Variants in KIF1B observed in about 807,000 individuals in gnomAD.
KIF1B encodes the protein kinesin-like protein KIF1B.
Under a neutral mutation model 241.9 loss-of-function variants are expected in KIF1B, and 76 were observed. The ratio of observed to expected loss-of-function variants is 0.31; its 90% confidence interval spans 0.26 to 0.38. The LOEUF (loss-of-function observed/expected upper bound fraction) is 0.38, where lower values mean the gene tolerates loss of function less well. KIF1B is among the 10% of genes least tolerant of loss of function. The probability of loss-of-function intolerance (pLI) is 1.00; values close to 1 mark genes in which losing one functional copy is unlikely to be tolerated. For missense variants in KIF1B, 1,622 were observed against 2,271.4 expected, an observed-to-expected ratio of 0.71 and a Z score of 5.81; for synonymous variants, 750 against 796.7, an observed-to-expected ratio of 0.94 and a Z score of 0.99.
chr1:10,366,089 GGCGT>G (rs1638563333), intron 43 of KIF1B, among the ~76,000 whole-genome samples: 1 of 152,006 alleles, frequency 6.6e-6, no homozygotes, highest in South Asian at 2.1e-4. Flanking sequence ...AAATTAGCCA[GGCGT>G]GGTGGCGAGC....
At chr1:10,327,958 A>AGT (rs1421461249) in intron 27 of KIF1B, among the ~76,000 whole-genome samples, 5 of 152,122 alleles carry the variant, frequency 3.3e-5, no homozygotes, top group African/African-American at 1.2e-4. Context: ...TAATCTCAGC[A>AGT]ACTCTGGAGG....
intron 1 of KIF1B, among the ~76,000 whole-genome samples, chr1:10,218,274 T>C (rs1218493602): frequency 6.6e-6 from 1 of 152,158 alleles, no homozygotes; most frequent in Admixed American, 6.5e-5. Context: ...CTTCACACTT[T>C]TGCAGTACTA....
chr1:10,371,798 T>C (rs1638740021), intron 45 of KIF1B, among the ~76,000 whole-genome samples: 1 of 152,096 alleles, frequency 6.6e-6, no homozygotes, highest in Non-Finnish European at 1.5e-5. Context: ...CCAGGCGTGG[T>C]GGTCTGTGCC....
chr1:10,346,663 C>T (rs2102327670), intron 35 of KIF1B, among the ~76,000 whole-genome samples: 1 of 152,368 alleles, frequency 6.6e-6, no homozygotes, highest in South Asian at 2.1e-4. Flanking sequence ...CTGTGCCCAG[C>T]AGCACCTTGT....
chr1:10,241,855 C>T (rs1647140901), intron 2 of KIF1B, among the ~76,000 whole-genome samples: 1 of 151,922 alleles, frequency 6.6e-6, no homozygotes. Context: ...TTGGTAGTTG[C>T]CTAGTGAAGT....
At chr1:10,267,984 CAAAT>C (rs1267132746) in intron 6 of KIF1B, among the ~76,000 whole-genome samples, 164 bp from the exon 7 acceptor site, 1 of 152,104 alleles carries the variant, frequency 6.6e-6, no homozygotes, top group Non-Finnish European at 1.5e-5. Flanking sequence ...GATGGGCTCA[CAAAT>C]AAGGCAGTAT....
chr1:10,364,114 T>C (rs577331661), intron 41 of KIF1B, among the ~76,000 whole-genome samples: 1 of 152,196 alleles, frequency 6.6e-6, no homozygotes, highest in Non-Finnish European at 1.5e-5. Context: ...CTCTGTCATC[T>C]GTCAGCCAGT....
intron 2 of KIF1B, among the ~76,000 whole-genome samples, chr1:10,251,059 G>A (rs577264798): frequency 3.8e-4 from 58 of 152,166 alleles, no homozygotes; most frequent in African/African-American, 1.3e-3. Context: ...CTAGCTACTG[G>A]GGAGGCTGAG....
At position 10,314,837 on chromosome 1, in the gene KIF1B, T is replaced by G. The variant is rs142849098; in HGVS notation, c.2116-5206T>G. 5.5e-3 allele frequency among the ~76,000 whole-genome samples: 837 copies of G among 151,804 alleles called. 43 individuals carry two copies. The highest frequency in any genetic ancestry group is 0.019 in the African/African-American group (794 of 41,040). ...TCCTCATACCTTAACTGTCAGAGTCTGAGAATTTTGTATTCATTGGTAGTT... is the reference window on the plus strand; with the variant it reads ...TCCTCATACCTTAACTGTCAGAGTCGGAGAATTTTGTATTCATTGGTAGTT... On this transcript the variant is annotated intron_variant, in intron 22 of 48. Transcript: ENST00000676179.
At position 10,357,771 on chromosome 1, in the gene KIF1B, G is replaced by A. The variant is rs1348358455; in HGVS notation, c.4056-3158G>A. ...CACCTGTAATCCCAGCACTTTGGGA[G>A]GCCGAGGCGGGTGGATCACCTGAGG... On this transcript the variant is annotated intron_variant, in intron 38 of 48. Coordinates refer to ENST00000676179, the MANE Select transcript of KIF1B (RefSeq NM_001365951.3). 2.0e-5 allele frequency among the ~76,000 whole-genome samples: 3 copies of A among 152,078 alleles called. No homozygotes were observed. The East Asian group carries it at 5.8e-4, about 29-fold the overall frequency.
rs557624589 is a variant in KIF1B, at chr1:10,378,600, G to A, written c.*2013G>A. 130 of 596,244 alleles carry A rather than the reference G, an allele frequency of 2.2e-4. 1 individual carries two copies. The East Asian group carries it at 2.9e-3, about 13-fold the overall frequency. 36.9% of individuals were successfully genotyped at this position (596,244 alleles called of 1,614,324 possible). On this transcript the variant is annotated 3_prime_UTR_variant, in exon 49 of 49. Transcript: ENST00000676179. ...GCCTTGAGGTTGCTGACTCTCAGGC[G>A]TTAGGCAGCTGGATGACTTCCCGCT...
chr1:10,343,523 C>T (rs1190279800), intron 34 of KIF1B, among the ~76,000 whole-genome samples: 3 of 151,818 alleles, frequency 2.0e-5, no homozygotes, highest in African/African-American at 4.8e-5. Context: ...TTTGGGAGGC[C>T]GAGGCAGGTG....
chr1:10,291,443 G>T (rs1176993257), intron 16 of KIF1B, among the ~76,000 whole-genome samples: 1 of 152,108 alleles, frequency 6.6e-6, no homozygotes. Context: ...AGGCGCGGTG[G>T]CTCACGCCTG....
At chr1:10,263,481 CT>C (rs1569620378) in intron 5 of KIF1B, among the ~76,000 whole-genome samples, 1 of 150,802 alleles carries the variant, frequency 6.6e-6, no homozygotes, top group Non-Finnish European at 1.5e-5. Context: ...TTTTTCTTTT[CT>C]TTTTGGTATT....
chr1:10,223,629 C>A (rs1456277594), intron 1 of KIF1B, among the ~76,000 whole-genome samples: 1 of 150,944 alleles, frequency 6.6e-6, no homozygotes, highest in Non-Finnish European at 1.5e-5. Flanking sequence ...TCACTGCAAC[C>A]TCTGCCTCCC....
intron 34 of KIF1B, among the ~76,000 whole-genome samples, 194 bp downstream of exon 34, chr1:10,343,481 G>A (rs111862387): frequency 1.7e-4 from 26 of 152,284 alleles, no homozygotes; most frequent in African/African-American, 6.3e-4. Context: ...GTAAAGGCTG[G>A]GCGCGGTGGC....
At chr1:10,338,788 G>A (rs949335202) in intron 31 of KIF1B, among the ~76,000 whole-genome samples, 3 of 152,238 alleles carry the variant, frequency 2.0e-5, no homozygotes, top group African/African-American at 7.2e-5. Flanking sequence ...AGAGCACTGT[G>A]AATGAGTTCA....
At chr1:10,280,189 T>A (rs1649335210) in intron 14 of KIF1B, among the ~76,000 whole-genome samples, 1 of 152,124 alleles carries the variant, frequency 6.6e-6, no homozygotes, top group Non-Finnish European at 1.5e-5. Context: ...ATGTCTTGAT[T>A]TTGGGGCTAA....
At chr1:10,347,394 A>G (rs1443865074) in intron 35 of KIF1B, among the ~76,000 whole-genome samples, 2 of 152,222 alleles carry the variant, frequency 1.3e-5, no homozygotes, top group African/African-American at 2.4e-5. Context: ...AGGGAGAGGT[A>G]GTTACAGTAA....
Sources: allele counts gnomAD v4.1 joint callset (sites outside exome capture counted in the v4.1 genomes callset), GRCh38; gene constraint gnomAD v4.1.1; transcripts MANE v1.5; gene names NCBI Gene and HGNC (gene_info 2026-07-23, HGNC 2026-07-21).